The following MYO1E variants were observed in gnomAD, a reference collection of about 807,000 sequenced individuals.
MYO1E encodes unconventional myosin-Ie.
Under a neutral mutation model 151.1 loss-of-function variants are expected in MYO1E, and 68 were observed. The ratio of observed to expected loss-of-function variants is 0.45; its 90% CI spans 0.37 to 0.55. The LOEUF (loss-of-function observed/expected upper bound fraction) is 0.55, where lower values mean the gene tolerates loss of function less well. Among genes scored for constraint, MYO1E ranks in the 20% least tolerant of loss-of-function variants. The pLI is 0.00. For synonymous variants in MYO1E, 601 were observed against 501.7 expected (o/e 1.20, Z -2.64); for missense variants, 1,363 against 1,389.3 (o/e 0.98, Z 0.30).
At chr15:59,203,320 G>C (rs1421712044) in intron 15 of MYO1E, among the ~76,000 whole-genome samples, 2 of 152,106 alleles carry the variant, frequency 1.3e-5, no homozygotes. Context: ...AACTGCTTTT[G>C]AGTATGAGCA....
intron 19 of MYO1E, among the ~76,000 whole-genome samples, chr15:59,177,629 G>A (rs937881744): frequency 5.3e-5 from 8 of 152,146 alleles, no homozygotes; most frequent in East Asian, 1.9e-4. Context: ...TCTTTATTCC[G>A]CAGCCCTGGA....
At chr15:59,349,183 T>C (rs1182425270) in intron 1 of MYO1E, among the ~76,000 whole-genome samples, 1 of 152,170 alleles carries the variant, frequency 6.6e-6, no homozygotes, top group Non-Finnish European at 1.5e-5. Context: ...ACCTTATTAA[T>C]AGTAATTATT....
chr15:59,142,578 T>C (rs1406678879), intron 26 of MYO1E, among the ~76,000 whole-genome samples: 2 of 152,282 alleles, frequency 1.3e-5, no homozygotes, highest in South Asian at 2.1e-4. Context: ...TCAGCTGTTA[T>C]TAGTTCGCCC....
chr15:59,265,466 A>G, intron 2 of MYO1E, among the ~76,000 whole-genome samples: 1 of 152,138 alleles, frequency 6.6e-6, no homozygotes, highest in East Asian at 1.9e-4. Context: ...GATTACATAA[A>G]TTCTGATTAG....
At chr15:59,288,322 T>G (rs767490385) in intron 1 of MYO1E, among the ~76,000 whole-genome samples, 1 of 152,084 alleles carries the variant, frequency 6.6e-6, no homozygotes, top group Non-Finnish European at 1.5e-5. Context: ...ACTACAGGTG[T>G]GTGCCACCAT....
intron 1 of MYO1E, among the ~76,000 whole-genome samples, chr15:59,315,832 A>G (rs1217228148): frequency 6.6e-6 from 1 of 152,216 alleles, no homozygotes; most frequent in African/African-American, 2.4e-5. Flanking sequence ...TTAGATTAAG[A>G]TTGGTGTTTA....
At chr15:59,274,789 T>C (rs1283398995) in intron 1 of MYO1E, among the ~76,000 whole-genome samples, 5 of 152,154 alleles carry the variant, frequency 3.3e-5, no homozygotes, top group Non-Finnish European at 7.4e-5. Flanking sequence ...CAGAGGCTGT[T>C]TCCTCCTTTT....
Position 59,153,791 on chromosome 15 carries a change from C to G in MYO1E, c.2879G>C (p.Gly960Ala), listed in dbSNP as rs964330851. 12 of 1,612,064 alleles carry G rather than the reference C, an allele frequency of 7.4e-6. No individual in the cohort carries two copies. The highest frequency in any genetic ancestry group is 1.0e-5 in the Non-Finnish European group (12 of 1,178,208). ...YPVRAAPPPP[G>A]YHQNGVIRNQ... is the part of the protein sequence containing the mutation. ...TCTGATGACTCCGTTCTGATGGTAT[C>G]CTAGAGAGAGGAACAGAGAAGGAAA... The change falls in exon 26 of 28, where the codon GGA becomes GCA. Residue 960 changes from glycine to alanine, a missense_variant and splice_region_variant. Gly to Ala is a moderately conservative substitution (Grantham distance 60, BLOSUM62 0). Coordinates refer to ENST00000288235, the MANE Select transcript of MYO1E (RefSeq NM_004998.4).
Position 59,261,713 on chromosome 15 carries a change from A to G in MYO1E, c.148-204T>C, listed in dbSNP as rs1036377737. 2.6e-5 allele frequency among the ~76,000 whole-genome samples: 4 copies of G among 152,222 alleles called. No individual in the cohort carries two copies. The South Asian group carries it at 8.3e-4, about 31-fold the overall frequency. ...TCCTCCTAAGGAAGAGTAATAAATT[A>G]CCAAGGTGCTACAAAATGAAATCAT... On this transcript the variant is annotated intron_variant, in intron 2 of 27. Coordinates refer to ENST00000288235, the MANE Select transcript of MYO1E (RefSeq NM_004998.4).
intron 4 of MYO1E, among the ~76,000 whole-genome samples, chr15:59,247,215 C>T (rs1401522545): frequency 2.0e-5 from 3 of 152,078 alleles, no homozygotes; most frequent in Admixed American, 2.0e-4. Flanking sequence ...AATAAAAAAG[C>T]ACCTGTATTT....
intron 1 of MYO1E, among the ~76,000 whole-genome samples, chr15:59,315,255 C>A (rs141994054): frequency 1.0e-3 from 152 of 152,208 alleles, no homozygotes; most frequent in African/African-American, 3.5e-3. Flanking sequence ...CCCCCAAAAG[C>A]CTTAACTAGT....
At chr15:59,150,891 A>C (rs1235427567) in intron 26 of MYO1E, among the ~76,000 whole-genome samples, 1 of 152,114 alleles carries the variant, frequency 6.6e-6, no homozygotes. Context: ...TCTACTGCAC[A>C]CTAGAGTTTG....
At chr15:59,346,163 CT>C in intron 1 of MYO1E, among the ~76,000 whole-genome samples, 1 of 152,232 alleles carries the variant, frequency 6.6e-6, no homozygotes, top group Admixed American at 6.5e-5. Flanking sequence ...CATCTTTCCC[CT>C]TCTTCCACTT....
At chr15:59,302,173 C>T (rs2080486960) in intron 1 of MYO1E, among the ~76,000 whole-genome samples, 1 of 152,258 alleles carries the variant, frequency 6.6e-6, no homozygotes, top group South Asian at 2.1e-4. Context: ...AAAGAGTACA[C>T]CTTGAGGCTA....
chr15:59,236,415 C>CAA (rs2080066530), intron 5 of MYO1E, among the ~76,000 whole-genome samples, 170 bp downstream of exon 5: 1 of 137,348 alleles, frequency 7.3e-6, no homozygotes, highest in Non-Finnish European at 1.6e-5. Flanking sequence ...CACACACACA[C>CAA]ACACAAACAC....
At chr15:59,228,371 G>A (rs191438844) in intron 6 of MYO1E, among the ~76,000 whole-genome samples, 20 of 152,044 alleles carry the variant, frequency 1.3e-4, no homozygotes, top group African/African-American at 4.1e-4. Context: ...CAGTCCCAGC[G>A]AGGCAGGAGA....
At chr15:59,247,342 A>G (rs1464999100) in intron 4 of MYO1E, among the ~76,000 whole-genome samples, 2 of 152,204 alleles carry the variant, frequency 1.3e-5, no homozygotes, top group African/African-American at 4.8e-5. Flanking sequence ...TCTCCATTAA[A>G]ATATGGGAAA....
At chr15:59,320,073 A>G (rs2080616199) in intron 1 of MYO1E, among the ~76,000 whole-genome samples, 2 of 152,160 alleles carry the variant, frequency 1.3e-5, no homozygotes, top group African/African-American at 4.8e-5. Context: ...AATCCCATTG[A>G]CAATAGCAAA....
chr15:59,330,327 C>T (rs1280357970), intron 1 of MYO1E, among the ~76,000 whole-genome samples: 2 of 152,198 alleles, frequency 1.3e-5, no homozygotes, highest in South Asian at 2.1e-4. Context: ...ACTTCCCTCT[C>T]CTCATCCTTC....
Sources: allele counts gnomAD v4.1 joint callset (sites outside exome capture counted in the v4.1 genomes callset), GRCh38; gene constraint gnomAD v4.1.1; transcripts MANE v1.5; gene names NCBI Gene and HGNC (gene_info 2026-07-23, HGNC 2026-07-21).